Variants in TXNL4A observed in about 807,000 individuals in gnomAD.
TXNL4A encodes thioredoxin-like protein 4A.
Under a neutral mutation model 14.6 loss-of-function variants are expected in TXNL4A, and 17 were observed. The observed-to-expected ratio is 1.16, with a 90% CI of 0.80 to 1.74. The LOEUF is 1.74. Ranked by LOEUF, TXNL4A falls within the 40% of genes most tolerant of loss-of-function variation. TXNL4A has a pLI of 0.00. For missense variants in TXNL4A, 74 were observed against 195.2 expected (o/e 0.38, Z 3.70); for synonymous variants, 83 against 70.6 (o/e 1.18, Z -0.88).
chr18:80,030,571 G>A (rs569540967), intron 1 of TXNL4A: 33 of 152,300 alleles, frequency 2.2e-4, no homozygotes, highest in African/African-American at 7.7e-4. Context: ...TCCTTCCAAG[G>A]TCAGGACTGG....
In TXNL4A at chr18:79,975,262, T is replaced by A. The variant is rs554512059; in HGVS notation, c.258-1406A>T. 1.8e-4 allele frequency among the ~76,000 whole-genome samples: 27 copies of A among 152,352 alleles called. 1 individual carries two copies. The South Asian group carries it at 5.6e-3, about 32-fold the overall frequency. On this transcript the variant is annotated intron_variant, in intron 2 of 2. Coordinates refer to ENST00000269601, the MANE Select transcript of TXNL4A (RefSeq NM_006701.5). The stretch of plus-strand genomic sequence containing the variant: ...CTATGAGAGTGGGAATCCTGTCTTA[T>A]CTGACATTAGGCTCCACCACTAGAC...
At chr18:80,031,373 G>A (rs1446766951) in intron 1 of TXNL4A, among the ~76,000 whole-genome samples, 1 of 152,226 alleles carries the variant, frequency 6.6e-6, no homozygotes, top group Admixed American at 6.5e-5. Context: ...GGACATATTG[G>A]CTATGTGGCA....
At chr18:80,017,023 C>T (rs1455721005) in intron 1 of TXNL4A, among the ~76,000 whole-genome samples, 1 of 151,132 alleles carries the variant, frequency 6.6e-6, no homozygotes, top group Admixed American at 6.6e-5. Context: ...TTGTTTGTAT[C>T]CTCTTTTATT....
upstream of TXNL4A, among the ~76,000 whole-genome samples, chr18:79,989,463 C>T (rs1266844310): frequency 6.6e-6 from 1 of 152,228 alleles, no homozygotes; most frequent in East Asian, 1.9e-4. Context: ...CAGGACTGAT[C>T]TGGCCCCCTG....
chr18:80,016,927 G>T (rs900923708), intron 1 of TXNL4A, among the ~76,000 whole-genome samples: 13 of 152,144 alleles, frequency 8.5e-5, no homozygotes, highest in Middle Eastern at 3.4e-3. Context: ...GATGGGGATG[G>T]CATTGAATCT....
intron 1 of TXNL4A, among the ~76,000 whole-genome samples, chr18:80,033,539 T>C (rs1020408110): frequency 6.6e-6 from 1 of 152,254 alleles, no homozygotes; most frequent in Non-Finnish European, 1.5e-5. Context: ...AGCAAAGCCC[T>C]GGAGGGCCCA....
rs1436044128 is a variant in TXNL4A, at chr18:80,011,637, C to A, written c.-61+22214G>T. ...TTATTGCCTTCATGTCTTTATGCCC[C>A]GAGAGCACAACCGCTCGGCGGCATT... On this transcript the variant is annotated intron_variant, in intron 1 of 2. Transcript: ENST00000585474. The surrounding 1 kb of genome is among the most constrained non-coding windows in gnomAD (Gnocchi z 4.1). Among the ~76,000 whole-genome samples, 1 of 152,126 alleles carries A rather than the reference C, an allele frequency of 6.6e-6. No individual in the cohort carries two copies. The highest frequency in any genetic ancestry group is 1.5e-5 in the Non-Finnish European group (1 of 68,026).
upstream of TXNL4A, among the ~76,000 whole-genome samples, chr18:79,991,035 G>A (rs1423412180): frequency 1.3e-5 from 2 of 151,628 alleles, no homozygotes; most frequent in African/African-American, 4.9e-5. Context: ...GTGAACCCGG[G>A]AGGCGGAGCT....
intron 1 of TXNL4A, among the ~76,000 whole-genome samples, chr18:80,028,804 C>T (rs139125284): frequency 1.3e-3 from 199 of 152,246 alleles, no homozygotes; most frequent in African/African-American, 4.5e-3. Flanking sequence ...TATGGAAAGA[C>T]GGAGGATATT....
rs2051770123 is a variant in TXNL4A at position 80,011,620 on chromosome 18, T to C, written c.-61+22231A>G. Among the ~76,000 whole-genome samples, 1 of 152,182 alleles carries C rather than the reference T, an allele frequency of 6.6e-6. No individual in the cohort carries two copies. Among genetic ancestry groups the C allele is most frequent in the African/African-American group, 2.4e-5 (1 of 41,436 alleles). ...TGAGGAGAAAAGTCTCCTTATTGCC[T>C]TCATGTCTTTATGCCCCGAGAGCAC... On this transcript the variant is annotated intron_variant, in intron 1 of 2. Coordinates refer to the TXNL4A transcript ENST00000585474. This position sits in a 1 kb window ranked among gnomAD's most constrained non-coding sequence, Gnocchi z 4.1.
chr18:80,010,915 C>T (rs1051739260), intron 1 of TXNL4A, among the ~76,000 whole-genome samples: 2 of 151,972 alleles, frequency 1.3e-5, no homozygotes, highest in Non-Finnish European at 2.9e-5. Flanking sequence ...TCAGTCCCCC[C>T]GTGGAGTAGA....
chr18:80,018,025 T>A (rs1270340910), intron 1 of TXNL4A, among the ~76,000 whole-genome samples: 1 of 151,940 alleles, frequency 6.6e-6, no homozygotes, highest in African/African-American at 2.4e-5. Context: ...CTATTGATTA[T>A]TGCCACAATT....
intron 2 of TXNL4A, among the ~76,000 whole-genome samples, chr18:79,974,645 A>C (rs2051351335): frequency 6.6e-6 from 1 of 152,168 alleles, no homozygotes; most frequent in African/African-American, 2.4e-5. Flanking sequence ...CACCCAGATA[A>C]ATTTCTAGTT....
Position 80,011,071 on chromosome 18 carries a change from T to C in TXNL4A, c.-61+22780A>G, listed in dbSNP as rs2051766781. Among the ~76,000 whole-genome samples, 1 of 152,076 alleles carries C rather than the reference T, an allele frequency of 6.6e-6. No homozygotes were observed. Among genetic ancestry groups the C allele is most frequent in the Non-Finnish European group, 1.5e-5 (1 of 68,020 alleles). ...GGTCCGCGGAAGAAAGGCACATCCATGTGTGGTTTTATTTGCATTACCATT... is the reference window on the plus strand; with the variant it reads ...GGTCCGCGGAAGAAAGGCACATCCACGTGTGGTTTTATTTGCATTACCATT... On this transcript the variant is annotated intron_variant, in intron 1 of 2. Transcript: ENST00000585474. This position sits in a 1 kb window ranked among gnomAD's most constrained non-coding sequence, Gnocchi z 4.1.
At chr18:80,006,460 C>T (rs117113493) in intron 1 of TXNL4A, among the ~76,000 whole-genome samples, 2,190 of 152,224 alleles carry the variant, frequency 0.014, 22 homozygotes, top group Non-Finnish European at 0.022. Context: ...GGATTGAGCG[C>T]CCAGTGGTGG....
chr18:79,998,725 A>G (rs2051678819), intron 1 of TXNL4A, among the ~76,000 whole-genome samples: 4 of 149,302 alleles, frequency 2.7e-5, no homozygotes, highest in African/African-American at 9.9e-5. Context: ...CTAAACTCTC[A>G]TCATACTCAA....
chr18:79,973,940 C>G, intron 2 of TXNL4A, 84 bp from the exon 3 acceptor site: 1 of 1,549,272 alleles, frequency 6.5e-7, no homozygotes, highest in Non-Finnish European at 8.7e-7. Context: ...ATTTTTCCCA[C>G]TGTGACAAGC....
chr18:80,013,038 G>C (rs2051781371), intron 1 of TXNL4A, among the ~76,000 whole-genome samples: 1 of 150,168 alleles, frequency 6.7e-6, no homozygotes, highest in South Asian at 2.1e-4. Flanking sequence ...GCGATCTGTT[G>C]AAAGTCAGCC....
chr18:80,001,950 G>A (rs530904706), intron 1 of TXNL4A, among the ~76,000 whole-genome samples: 1 of 152,252 alleles, frequency 6.6e-6, no homozygotes, highest in Non-Finnish European at 1.5e-5. Flanking sequence ...ATGAGATTTG[G>A]GAGGGGCCAG....
Sources: allele counts gnomAD v4.1 joint callset (sites outside exome capture counted in the v4.1 genomes callset), GRCh38; gene constraint gnomAD v4.1.1; non-coding constraint Gnocchi (gnomAD v3.1); transcripts MANE v1.5; gene names NCBI Gene and HGNC (gene_info 2026-07-23, HGNC 2026-07-21).